The following CDH18 variants were observed in gnomAD, a reference collection of about 807,000 sequenced individuals.
CDH18 encodes cadherin-18.
CDH18 carries 31 observed loss-of-function variants against 67.9 expected under a neutral mutation model. The ratio of observed to expected loss-of-function variants is 0.46; its 90% CI spans 0.34 to 0.62. The LOEUF (loss-of-function observed/expected upper bound fraction) is 0.62. Ranked by LOEUF, CDH18 falls within the 20% of genes least tolerant of loss-of-function variation. CDH18 has a pLI of 0.01. For missense variants in CDH18, 890 were observed against 975.5 expected (o/e 0.91, Z 1.17); for synonymous variants, 362 against 347.2 (o/e 1.04, Z -0.48).
chr5:19,474,546 A>G, intron 12 of CDH18, among the ~76,000 whole-genome samples: 1 of 152,064 alleles, frequency 6.6e-6, no homozygotes, highest in East Asian at 1.9e-4. Flanking sequence ...CCAATAATGG[A>G]ACACTAGGCA....
At chr5:19,954,472 TC>T (rs34448569) in intron 2 of CDH18, among the ~76,000 whole-genome samples, 1 of 151,990 alleles carries the variant, frequency 6.6e-6, no homozygotes, top group Non-Finnish European at 1.5e-5. Context: ...CTACAAAATA[TC>T]CCAAATTAGA....
intron 2 of CDH18, among the ~76,000 whole-genome samples, chr5:20,172,228 A>ATG (rs1736862874): frequency 1.8e-5 from 2 of 110,744 alleles, no homozygotes; most frequent in Admixed American, 9.4e-5. Flanking sequence ...ATATATGTAT[A>ATG]TATATATATA....
At chr5:19,950,832 A>T (rs1407833332) in intron 2 of CDH18, among the ~76,000 whole-genome samples, 3 of 152,180 alleles carry the variant, frequency 2.0e-5, no homozygotes, top group Admixed American at 6.6e-5. Flanking sequence ...TAATTTTAAT[A>T]TGAAGCTTAA....
intron 9 of CDH18, among the ~76,000 whole-genome samples, chr5:19,524,753 CT>C (rs986656884): frequency 6.6e-6 from 1 of 151,872 alleles, no homozygotes; most frequent in Non-Finnish European, 1.5e-5. Context: ...ACTCTCTGCT[CT>C]TTTTTTTCTG....
chr5:19,744,453 T>C (rs922070205), intron 4 of CDH18, among the ~76,000 whole-genome samples: 2 of 151,912 alleles, frequency 1.3e-5, no homozygotes, highest in African/African-American at 4.8e-5. Flanking sequence ...ATAGATTATG[T>C]GGCATCCTTT....
At chr5:20,130,929 T>C (rs1368598964) in intron 2 of CDH18, among the ~76,000 whole-genome samples, 1 of 151,376 alleles carries the variant, frequency 6.6e-6, no homozygotes, top group African/African-American at 2.5e-5. Context: ...TCGAGGACTC[T>C]TTATTCCTAT....
In CDH18 at chr5:19,622,548, C is replaced by A. The variant is rs560357282; in HGVS notation, c.644-9947G>T. 2.0e-5 allele frequency among the ~76,000 whole-genome samples: 3 copies of A among 152,290 alleles called. No individual in the cohort carries two copies. In the South Asian group the frequency reaches 6.2e-4, roughly 32 times the overall value. On this transcript the variant is annotated intron_variant, in intron 5 of 12. Transcript: ENST00000382275. ...TGGCCTGTGACTGCTTTAATCAAGG[C>A]AGTACAATGAAAGTGACATTAGCAG...
intron 1 of CDH18, among the ~76,000 whole-genome samples, chr5:20,522,844 C>T (rs1275353483): frequency 6.6e-6 from 1 of 152,174 alleles, no homozygotes; most frequent in African/African-American, 2.4e-5. Context: ...TGTAATTCTT[C>T]TGTAAAGCAC....
chr5:19,912,007 T>C (rs941709601), intron 2 of CDH18, among the ~76,000 whole-genome samples: 4 of 152,102 alleles, frequency 2.6e-5, no homozygotes, highest in East Asian at 3.9e-4. Flanking sequence ...AGTGGTATCA[T>C]TGAAGCGGCA....
intron 2 of CDH18, among the ~76,000 whole-genome samples, chr5:20,068,179 C>T (rs1372811133): frequency 6.6e-6 from 1 of 152,046 alleles, no homozygotes; most frequent in African/African-American, 2.4e-5. Context: ...GCTGTCATCT[C>T]TAAAGAACGT....
At chr5:19,844,018 A>G (rs1435581487) in intron 2 of CDH18, among the ~76,000 whole-genome samples, 1 of 152,182 alleles carries the variant, frequency 6.6e-6, no homozygotes, top group Non-Finnish European at 1.5e-5. Flanking sequence ...TATCTATGAA[A>G]GAACTAACTT....
chr5:19,556,432 A>T (rs902672253), intron 8 of CDH18, among the ~76,000 whole-genome samples: 5 of 152,220 alleles, frequency 3.3e-5, no homozygotes, highest in African/African-American at 1.2e-4. Flanking sequence ...ATAAAAAACA[A>T]TCACAACTTC....
intron 1 of CDH18, among the ~76,000 whole-genome samples, chr5:20,376,179 C>T (rs1265355134): frequency 3.6e-5 from 5 of 139,774 alleles, no homozygotes; most frequent in Admixed American, 1.6e-4. Flanking sequence ...CTGCAGGCTC[C>T]GCCTCCCGGG....
At chr5:19,581,545 T>G (rs955842989) in intron 7 of CDH18, among the ~76,000 whole-genome samples, 1 of 152,020 alleles carries the variant, frequency 6.6e-6, no homozygotes, top group Non-Finnish European at 1.5e-5. Context: ...TCAATTATTC[T>G]TAGAGTTTAG....
chr5:19,638,612 G>A (rs1337339584), intron 5 of CDH18, among the ~76,000 whole-genome samples: 1 of 150,758 alleles, frequency 6.6e-6, no homozygotes, highest in Non-Finnish European at 1.5e-5. Flanking sequence ...AGCATGAGGT[G>A]GTATCAGCAA....
intron 4 of CDH18, among the ~76,000 whole-genome samples, chr5:19,732,257 A>G (rs1767700008): frequency 6.6e-6 from 1 of 152,158 alleles, no homozygotes; most frequent in South Asian, 2.1e-4. Context: ...CCTGGGCAAC[A>G]TAGAGATACC....
intron 3 of CDH18, among the ~76,000 whole-genome samples, chr5:19,751,142 G>A (rs114935748): frequency 0.011 from 1,605 of 152,252 alleles, 34 homozygotes; most frequent in African/African-American, 0.036. Flanking sequence ...TGACTCACAT[G>A]AGTTCACTCT....
chr5:20,474,699 C>T (rs1046748832), intron 1 of CDH18, among the ~76,000 whole-genome samples: 1 of 152,102 alleles, frequency 6.6e-6, no homozygotes, highest in African/African-American at 2.4e-5. Flanking sequence ...AGAAGGCAGC[C>T]GCTATGGAGA....
At chr5:19,732,199 G>A in intron 4 of CDH18, among the ~76,000 whole-genome samples, 1 of 151,688 alleles carries the variant, frequency 6.6e-6, no homozygotes, top group Non-Finnish European at 1.5e-5. Context: ...CAGAACTGTG[G>A]GAGGCCAAGT....
Sources: gnomAD v4.1 joint callset for allele counts (sites outside exome capture counted in the v4.1 genomes callset) on GRCh38, gnomAD v4.1.1 for gene constraint, MANE v1.5 for transcripts, NCBI Gene and HGNC (gene_info 2026-07-23, HGNC 2026-07-21) for gene names.